Variants in GPR137B observed in about 807,000 individuals in gnomAD.
GPR137B encodes the protein G protein-coupled receptor 137B.
A neutral mutation model predicts 42.5 loss-of-function variants in GPR137B; 42 were observed. The observed-to-expected ratio is 0.99, with a 90% CI of 0.77 to 1.28. GPR137B has a LOEUF of 1.28. Ranked by LOEUF, GPR137B falls within the 50% of genes most tolerant of loss-of-function variation. GPR137B has a pLI of 0.00. For synonymous variants in GPR137B, 218 were observed against 209.7 expected (o/e 1.04, Z -0.34); for missense variants, 487 against 493.9 (o/e 0.99, Z 0.13).
intron 2 of GPR137B, among the ~76,000 whole-genome samples, chr1:236,173,163 C>T (rs560339391): frequency 2.6e-5 from 4 of 151,462 alleles, no homozygotes; most frequent in South Asian, 4.2e-4. Context: ...TAGTGGTGCG[C>T]GCCTGTATTC....
chr1:236,159,248 A>T (rs1254525708), intron 1 of GPR137B, among the ~76,000 whole-genome samples: 1 of 152,180 alleles, frequency 6.6e-6, no homozygotes, highest in Non-Finnish European at 1.5e-5. Context: ...AGGAAGATGG[A>T]GGCTGCAATG....
chr1:236,148,065 G>A (rs1661732888), intron 1 of GPR137B, among the ~76,000 whole-genome samples: 2 of 152,346 alleles, frequency 1.3e-5, no homozygotes, highest in South Asian at 2.1e-4. Context: ...GAAGTGGCGG[G>A]ACCAAGGCTT....
At chr1:236,148,470 C>T (rs969779858) in intron 1 of GPR137B, among the ~76,000 whole-genome samples, 1 of 152,218 alleles carries the variant, frequency 6.6e-6, no homozygotes, top group Non-Finnish European at 1.5e-5. Flanking sequence ...TGACAAACTC[C>T]TGCCATTGCA....
At chr1:236,170,227 T>C (rs560457410) in intron 2 of GPR137B, among the ~76,000 whole-genome samples, 1 of 152,158 alleles carries the variant, frequency 6.6e-6, no homozygotes, top group Non-Finnish European at 1.5e-5. Flanking sequence ...CCTCCTTGGG[T>C]CAAAATGAAA....
chr1:236,179,154 G>A (rs1377275086), intron 3 of GPR137B, among the ~76,000 whole-genome samples: 1 of 151,886 alleles, frequency 6.6e-6, no homozygotes, highest in Non-Finnish European at 1.5e-5. Context: ...TGAATCATAG[G>A]TTGTCAGAAT....
intron 2 of GPR137B, among the ~76,000 whole-genome samples, chr1:236,176,879 T>G (rs10924521): frequency 0.069 from 10,425 of 152,128 alleles, 833 homozygotes; most frequent in East Asian, 0.42. Context: ...ATTGATCAGA[T>G]GGTCACCCGT....
intron 5 of GPR137B, among the ~76,000 whole-genome samples, chr1:236,186,182 G>A (rs1232453553): frequency 1.9e-5 from 2 of 106,212 alleles, no homozygotes; most frequent in African/African-American, 9.2e-5. Flanking sequence ...ATCCATTGAT[G>A]GACATCATTT....
At chr1:236,169,222 A>G (rs150153311) in intron 2 of GPR137B, among the ~76,000 whole-genome samples, 247 of 125,554 alleles carry the variant, frequency 2.0e-3, no homozygotes, top group African/African-American at 6.6e-3. Flanking sequence ...AGGTACAGGT[A>G]CAGGTACAGG....
At chr1:236,157,278 G>A (rs1018264313) in intron 1 of GPR137B, among the ~76,000 whole-genome samples, 3 of 151,270 alleles carry the variant, frequency 2.0e-5, no homozygotes, top group South Asian at 2.1e-4. Context: ...AGGCTGGAGT[G>A]CAGTGGCGCG....
intron 1 of GPR137B, among the ~76,000 whole-genome samples, chr1:236,151,816 T>C (rs1661875132): frequency 6.6e-6 from 1 of 152,050 alleles, no homozygotes; most frequent in Non-Finnish European, 1.5e-5. Flanking sequence ...CACGGTGGGG[T>C]TGGCTCTGTG....
At chr1:236,145,829 C>T (rs1661666975) in intron 1 of GPR137B, among the ~76,000 whole-genome samples, 1 of 152,202 alleles carries the variant, frequency 6.6e-6, no homozygotes, top group Non-Finnish European at 1.5e-5. Flanking sequence ...CAACACACAT[C>T]TGTGCTGTCT....
chr1:236,170,535 A>G (rs965127687), intron 2 of GPR137B, among the ~76,000 whole-genome samples: 4 of 152,092 alleles, frequency 2.6e-5, no homozygotes, highest in African/African-American at 9.7e-5. Context: ...TCACGTCTCT[A>G]CCAGGCTCAG....
chr1:236,193,947 T>C (rs1028028757), intron 5 of GPR137B, among the ~76,000 whole-genome samples: 11 of 152,234 alleles, frequency 7.2e-5, no homozygotes, highest in African/African-American at 2.7e-4. Context: ...CATCGTATAC[T>C]GATGGTCCCT....
chr1:236,156,662 G>A lies in GPR137B; in HGVS notation c.415-12044G>A, dbSNP rs1237561251. On this transcript the variant is annotated intron_variant, in intron 1 of 6. Transcript: ENST00000366592. The surrounding 1 kb of genome is among the most constrained non-coding windows in gnomAD (Gnocchi z 4.8). ...GAACCCTGCAGAAAGGAGAACTCCG[G>A]TGTCTGGATTTCGGGGACCGACTGT... Among the ~76,000 whole-genome samples, 4 of 152,202 alleles carry A rather than the reference G, an allele frequency of 2.6e-5. No individual in the cohort carries two copies. The highest frequency in any genetic ancestry group is 9.6e-5 in the African/African-American group (4 of 41,458).
intron 1 of GPR137B, among the ~76,000 whole-genome samples, chr1:236,151,296 A>G (rs1422521316): frequency 2.6e-5 from 4 of 152,194 alleles, no homozygotes; most frequent in Admixed American, 1.3e-4. Context: ...CTTAGAGTCC[A>G]TTAACCTATA....
chr1:236,199,157 A>G (rs921826507), intron 5 of GPR137B, among the ~76,000 whole-genome samples: 1 of 152,110 alleles, frequency 6.6e-6, no homozygotes, highest in Admixed American at 6.6e-5. Context: ...TGAGATAATC[A>G]TATGATTTTT....
At chr1:236,179,728 G>A in intron 3 of GPR137B, 151 bp from the exon 4 acceptor site, 1 of 563,924 alleles carries the variant, frequency 1.8e-6, no homozygotes, top group South Asian at 3.3e-5. Context: ...GGAAGAAGGA[G>A]TGTGAAAAGG....
chr1:236,178,697 T>G, intron 3 of GPR137B, 61 bp downstream of exon 3: 1 of 1,074,298 alleles, frequency 9.3e-7, no homozygotes, highest in Non-Finnish European at 1.4e-6. Context: ...AGTTTCCTGG[T>G]TTGCAAAAGT....
intron 5 of GPR137B, among the ~76,000 whole-genome samples, chr1:236,203,251 G>T (rs866218055): frequency 2.6e-5 from 4 of 151,956 alleles, no homozygotes; most frequent in African/African-American, 7.3e-5. Context: ...CTAATTTTTT[G>T]TATTTTTAGT....
Sources: allele counts gnomAD v4.1 joint callset (sites outside exome capture counted in the v4.1 genomes callset), GRCh38; gene constraint gnomAD v4.1.1; non-coding constraint Gnocchi (gnomAD v3.1); transcripts MANE v1.5; gene names NCBI Gene and HGNC (gene_info 2026-07-23, HGNC 2026-07-21).